Variants in ALDH1L1 observed in about 807,000 individuals in gnomAD.
The protein encoded by ALDH1L1 is cytosolic 10-formyltetrahydrofolate dehydrogenase.
ALDH1L1 carries 68 observed loss-of-function variants against 101.1 expected under a neutral mutation model. That is an observed-to-expected ratio of 0.67 (90% CI 0.55 to 0.82). The LOEUF is 0.82. ALDH1L1 is among the 40% of genes least tolerant of loss of function. The probability of loss-of-function intolerance (pLI) is 0.00; values close to 1 mark genes in which losing one functional copy is unlikely to be tolerated. For missense variants in ALDH1L1, 1,087 were observed against 1,172.7 expected (o/e 0.93, Z 1.07); for synonymous variants, 486 against 470.8 (o/e 1.03, Z -0.42).
chr3:126,111,481 A>G lies in ALDH1L1; in HGVS notation c.2181+1301T>C, dbSNP rs575804551. The stretch of plus-strand genomic sequence containing the variant: ...CTCTGACAAACCCAGATGAGCCCCA[A>G]CAAACCCCAGCCTAGACTGCCACTG... On this transcript the variant is annotated intron_variant, in intron 19 of 22. Coordinates refer to ENST00000393434, the MANE Select transcript of ALDH1L1 (RefSeq NM_012190.4). 3.9e-5 allele frequency among the ~76,000 whole-genome samples: 6 copies of G among 152,342 alleles called. No homozygotes were observed. In the South Asian group the frequency reaches 8.3e-4, roughly 21 times the overall value.
At chr3:126,114,961 C>A in intron 17 of ALDH1L1, 2 of 485,906 alleles carry the variant, frequency 4.1e-6, no homozygotes, top group Non-Finnish European at 8.1e-6. Flanking sequence ...CTGATCGCCC[C>A]GTATAAAACC....
chr3:126,165,493 G>A (rs2081148160), intron 1 of ALDH1L1, among the ~76,000 whole-genome samples: 1 of 152,136 alleles, frequency 6.6e-6, no homozygotes, highest in Non-Finnish European at 1.5e-5. Flanking sequence ...CTTTCAATAG[G>A]ATTGGTGTCA....
At chr3:126,140,411 G>A (rs2080544323) in intron 9 of ALDH1L1, among the ~76,000 whole-genome samples, 1 of 152,168 alleles carries the variant, frequency 6.6e-6, no homozygotes, top group East Asian at 1.9e-4. Context: ...GCTGAAAAGA[G>A]TCTTTCAGGC....
intron 12 of ALDH1L1, among the ~76,000 whole-genome samples, chr3:126,134,703 G>T (rs2080389544): frequency 6.6e-6 from 1 of 152,220 alleles, no homozygotes; most frequent in Non-Finnish European, 1.5e-5. Context: ...AAGCCATTCT[G>T]ACCGCAAGGC....
upstream of ALDH1L1, among the ~76,000 whole-genome samples, chr3:126,181,700 C>T (rs538057847): frequency 7.9e-5 from 12 of 152,320 alleles, no homozygotes; most frequent in South Asian, 2.5e-3. Context: ...ACTGTAAGCT[C>T]TTTGAGGACA....
chr3:126,161,919 C>G (rs1032562657), intron 1 of ALDH1L1, among the ~76,000 whole-genome samples: 2 of 133,188 alleles, frequency 1.5e-5, no homozygotes, highest in Non-Finnish European at 3.3e-5. Flanking sequence ...CTAACAGCAT[C>G]GAATGGTTTC....
At chr3:126,154,519 G>A (rs1296758800) in intron 6 of ALDH1L1, 35 bp downstream of exon 6, 1 of 1,587,128 alleles carries the variant, frequency 6.3e-7, no homozygotes, top group Non-Finnish European at 8.7e-7. Flanking sequence ...ATACACCAAT[G>A]CACGTGGCTG....
intron 3 of ALDH1L1, 139 bp downstream of exon 3, chr3:126,158,266 T>C: frequency 1.3e-6 from 1 of 764,360 alleles, no homozygotes; most frequent in South Asian, 1.9e-5. Flanking sequence ...GTGGCTGACA[T>C]CTGGCAGCCA....
chr3:126,164,666 T>C (rs1309316823), intron 1 of ALDH1L1, among the ~76,000 whole-genome samples: 1 of 152,266 alleles, frequency 6.6e-6, no homozygotes, highest in African/African-American at 2.4e-5. Context: ...TTGTGAATAG[T>C]CCAACGACGA....
chr3:126,107,600 C>T (rs1406538667), intron 20 of ALDH1L1, among the ~76,000 whole-genome samples: 2 of 152,238 alleles, frequency 1.3e-5, no homozygotes, highest in East Asian at 3.8e-4. Flanking sequence ...CTAAAACCAC[C>T]TAGATTCTTT....
chr3:126,153,079 C>G, intron 7 of ALDH1L1: 1 of 354,824 alleles, frequency 2.8e-6, no homozygotes, highest in Non-Finnish European at 5.5e-6. Flanking sequence ...CTTAATGACC[C>G]CACACCCAGA....
intron 22 of ALDH1L1, chr3:126,105,451 A>T (rs1945831049): frequency 4.3e-6 from 2 of 470,288 alleles, no homozygotes; most frequent in Non-Finnish European, 7.9e-6. Context: ...TGGGTAGCAC[A>T]GGTGCCACCA....
chr3:126,158,077 C>T (rs1047461653), intron 3 of ALDH1L1, among the ~76,000 whole-genome samples: 7 of 152,090 alleles, frequency 4.6e-5, no homozygotes, highest in African/African-American at 7.2e-5. Flanking sequence ...CTGGCCCCTG[C>T]GCCTCCTGGT....
intron 8 of ALDH1L1, among the ~76,000 whole-genome samples, chr3:126,150,054 C>A (rs1222633625): frequency 6.6e-6 from 1 of 152,238 alleles, no homozygotes; most frequent in Non-Finnish European, 1.5e-5. Flanking sequence ...GCCTCTGGTG[C>A]AGCCTTTCTG....
At chr3:126,137,598 G>A (rs757439741) in intron 10 of ALDH1L1, among the ~76,000 whole-genome samples, 1 of 152,170 alleles carries the variant, frequency 6.6e-6, no homozygotes, top group Non-Finnish European at 1.5e-5. Context: ...CCCATGTCCT[G>A]AGCATCAGAC....
In ALDH1L1 at chr3:126,153,500, G is replaced by A. The variant is rs751676222; in HGVS notation, c.802C>T (p.Arg268Trp). The A allele has an allele frequency of 1.2e-5, 20 of 1,614,056 alleles. No homozygotes were observed. Among genetic ancestry groups the A allele is most frequent in the African/African-American group, 2.7e-5 (2 of 74,930 alleles). The change falls in exon 7 of 23, where the codon CGG (arginine) becomes TGG (tryptophan). Residue 268 changes from arginine to tryptophan, a missense_variant. Transcript: ENST00000393434. ...CCTGCTTTGGTGACCACCCCTGGCC[G>A]ATGGGCTCCTGGGATGGGCAAAGCG... ...GDALPIPGAHRPGVVTKAGLI... is the reference protein window; with the variant it reads ...GDALPIPGAHWPGVVTKAGLI...
intron 8 of ALDH1L1, 43 bp downstream of exon 8, chr3:126,150,363 A>G (rs2080783753): frequency 1.3e-6 from 2 of 1,545,968 alleles, no homozygotes; most frequent in East Asian, 4.9e-5. Flanking sequence ...TGTGCACGGC[A>G]CAACCTGCCC....
At chr3:126,174,363 A>G (rs1305470213) in intron 1 of ALDH1L1, among the ~76,000 whole-genome samples, 3 of 152,232 alleles carry the variant, frequency 2.0e-5, no homozygotes, top group African/African-American at 7.2e-5. Context: ...AGCAGGCTGG[A>G]AATCAGTAAG....
At chr3:126,170,318 C>G (rs1319780867) in intron 1 of ALDH1L1, among the ~76,000 whole-genome samples, 2 of 150,986 alleles carry the variant, frequency 1.3e-5, no homozygotes, top group African/African-American at 4.9e-5. Flanking sequence ...CAGAGAATCT[C>G]AATTACTGTA....
Sources: allele counts gnomAD v4.1 joint callset (sites outside exome capture counted in the v4.1 genomes callset), GRCh38; gene constraint gnomAD v4.1.1; transcripts MANE v1.5; gene names NCBI Gene and HGNC (gene_info 2026-07-23, HGNC 2026-07-21).